NSD3: variants seen among roughly 807,000 people sequenced by gnomAD.
NSD3 encodes nuclear receptor binding SET domain protein 3.
A neutral mutation model predicts 160.8 loss-of-function variants in NSD3; 24 were observed. The observed-to-expected ratio is 0.15, with a 90% CI of 0.11 to 0.21. The LOEUF is 0.21. NSD3 is among the 10% of genes least tolerant of loss of function. NSD3 has a pLI of 1.00. For missense variants in NSD3, 1,157 were observed against 1,735.9 expected (o/e 0.67, Z 5.93); for synonymous variants, 520 against 600.0 (o/e 0.87, Z 1.95).
chr8:38,362,776 GT>G (rs1317059211), intron 1 of NSD3, among the ~76,000 whole-genome samples: 3 of 152,052 alleles, frequency 2.0e-5, no homozygotes, highest in Non-Finnish European at 4.4e-5. Context: ...TCTGTCTTTT[GT>G]ATCAGTATAC....
At chr8:38,365,440 A>G (rs1046516770) in intron 1 of NSD3, among the ~76,000 whole-genome samples, 1 of 152,212 alleles carries the variant, frequency 6.6e-6, no homozygotes, top group Non-Finnish European at 1.5e-5. Flanking sequence ...ATATGCTACT[A>G]TAAAACAGGG....
intron 14 of NSD3, among the ~76,000 whole-genome samples, chr8:38,301,490 G>A (rs991580018): frequency 2.6e-5 from 4 of 152,182 alleles, no homozygotes; most frequent in African/African-American, 7.2e-5. Context: ...TGAGGCAGGA[G>A]AATCGCTTGA....
intron 5 of NSD3, 82 bp downstream of exon 5, chr8:38,331,349 G>C: frequency 7.3e-7 from 1 of 1,377,806 alleles, no homozygotes; most frequent in East Asian, 2.6e-5. Flanking sequence ...ATAATTATCT[G>C]AATTCAAGTA....
At chr8:38,314,860 C>A (rs561734601) in intron 11 of NSD3, 87 bp from the exon 12 acceptor site, 129 of 1,415,508 alleles carry the variant, frequency 9.1e-5, no homozygotes, top group Non-Finnish European at 1.2e-4. Flanking sequence ...ATTACCGGGT[C>A]CCTCACCCAC....
rs960417862 is a variant in NSD3 at position 38,340,574 on chromosome 8, G to GT, written c.676-1968dup. On this transcript the variant is annotated intron_variant, in intron 2 of 23. Coordinates refer to ENST00000317025, the MANE Select transcript of NSD3 (RefSeq NM_023034.2). Reference sequence around the variant, plus strand: ...GCTGGTCTTGAACTCTTAACCTCAGGTGATCCACTTGCCTTGGCCTCCCAA... The same window carrying GT: ...GCTGGTCTTGAACTCTTAACCTCAGGTTGATCCACTTGCCTTGGCCTCCCAA... 6.6e-5 allele frequency among the ~76,000 whole-genome samples: 10 copies of GT among 152,160 alleles called. No individual in the cohort carries two copies. The East Asian group carries it at 1.7e-3, about 26-fold the overall frequency.
intron 19 of NSD3, among the ~76,000 whole-genome samples, chr8:38,284,008 C>T (rs1344606473): frequency 6.6e-6 from 1 of 152,138 alleles, no homozygotes; most frequent in African/African-American, 2.4e-5. Flanking sequence ...GATGCTGAGG[C>T]AGGAGGATCA....
chr8:38,270,150 GCTT>G lies in NSD3; in HGVS notation c.*5488_*5490del, dbSNP rs1399846477. The G allele has an allele frequency of 6.6e-6, 1 of 152,150 alleles. No individual in the cohort carries two copies. Among genetic ancestry groups the G allele is most frequent in the Non-Finnish European group, 1.5e-5 (1 of 68,018 alleles). The allele number at this position is 152,150 out of a possible 1,614,324, so 9.4% of individuals were successfully genotyped here. ...TAACACTAATCCCTTAGTGTCAAGA[GCTT>G]CTAGCCAAGTCACAGAAACTCAAAA... On this transcript the variant is annotated 3_prime_UTR_variant, in exon 24 of 24. Transcript: ENST00000317025.
chr8:38,316,958 AACCAAGGAG>A lies in NSD3; in HGVS notation c.1856-925_1856-917del. ...AGATCAGGCACGGTGAATACCAAGGAACCAAGGAGACGGTTAATATTTCAACCCACAGTT... is the reference window on the plus strand; with the variant it reads ...AGATCAGGCACGGTGAATACCAAGGAACGGTTAATATTTCAACCCACAGTT... On this transcript the variant is annotated intron_variant, in intron 9 of 23. Coordinates refer to ENST00000317025, the MANE Select transcript of NSD3 (RefSeq NM_023034.2). The surrounding 1 kb of genome is among the most constrained non-coding windows in gnomAD (Gnocchi z 4.5). 1 of 1,061,194 alleles carries A rather than the reference AACCAAGGAG, an allele frequency of 9.4e-7. No homozygotes were observed. The highest frequency in any genetic ancestry group is 1.1e-6 in the Non-Finnish European group (1 of 876,538). 65.7% of individuals were successfully genotyped at this position (1,061,194 alleles called of 1,614,324 possible). A position where few individuals can be genotyped will look rare whatever the true frequency, so the allele number is the denominator to read the frequency against.
At chr8:38,275,908 A>G (rs1196075589) in intron 23 of NSD3, 26 bp from the exon 24 acceptor site, 1 of 1,602,076 alleles carries the variant, frequency 6.2e-7, no homozygotes, top group Admixed American at 1.7e-5. Flanking sequence ...GGGGAGGAAG[A>G]AGGAGAAGTG....
intron 1 of NSD3, among the ~76,000 whole-genome samples, chr8:38,374,434 A>T (rs566946340): frequency 6.6e-6 from 1 of 152,282 alleles, no homozygotes; most frequent in East Asian, 1.9e-4. Flanking sequence ...AAGAAAAATC[A>T]GGACACACAC....
chr8:38,379,705 G>A (rs1301341737), intron 1 of NSD3, among the ~76,000 whole-genome samples: 1 of 152,120 alleles, frequency 6.6e-6, no homozygotes, highest in East Asian at 1.9e-4. Context: ...CATTTAGGTA[G>A]GTTAAATGTA....
At chr8:38,341,773 G>A (rs1382268153) in intron 2 of NSD3, among the ~76,000 whole-genome samples, 1 of 151,626 alleles carries the variant, frequency 6.6e-6, no homozygotes, top group Admixed American at 6.6e-5. Flanking sequence ...GCAACATGGC[G>A]AGACCCCATC....
intron 1 of NSD3, among the ~76,000 whole-genome samples, chr8:38,366,451 C>T (rs1345299370): frequency 2.2e-5 from 3 of 137,118 alleles, no homozygotes; most frequent in South Asian, 2.2e-4. Context: ...GAGTCTCTGT[C>T]GTCGCCAGGC....
chr8:38,358,494 ATGCTGGTTCT>A (rs1314259461), intron 1 of NSD3, among the ~76,000 whole-genome samples: 2 of 152,178 alleles, frequency 1.3e-5, no homozygotes, highest in Non-Finnish European at 2.9e-5. Flanking sequence ...TGAACCAGCT[ATGCTGGTTCT>A]TGAAAACCTA....
intron 4 of NSD3, among the ~76,000 whole-genome samples, chr8:38,332,879 A>G (rs1810100797): frequency 6.6e-6 from 1 of 152,204 alleles, no homozygotes; most frequent in African/African-American, 2.4e-5. Context: ...GTATTAGATC[A>G]ATGGAGAAAT....
intron 16 of NSD3, 114 bp from the exon 17 acceptor site, chr8:38,290,791 T>C: frequency 1.1e-6 from 1 of 933,954 alleles, no homozygotes; most frequent in Non-Finnish European, 1.6e-6. Context: ...TCATTCAGAT[T>C]CTAAGAACAT....
intron 4 of NSD3, among the ~76,000 whole-genome samples, chr8:38,331,951 A>G (rs2036849579): frequency 6.6e-6 from 1 of 152,276 alleles, no homozygotes; most frequent in Admixed American, 6.5e-5. Context: ...TGTTAGAGAC[A>G]TGGTCTCACT....
chr8:38,327,693 A>G (rs1345145457), intron 6 of NSD3, among the ~76,000 whole-genome samples: 2 of 152,172 alleles, frequency 1.3e-5, no homozygotes, highest in Non-Finnish European at 2.9e-5. Context: ...AGTCATTTGC[A>G]TTTGGTAAAG....
intron 1 of NSD3, among the ~76,000 whole-genome samples, chr8:38,350,752 T>C (rs754649506): frequency 6.6e-6 from 1 of 152,158 alleles, no homozygotes; most frequent in Admixed American, 6.6e-5. Context: ...GGTTAGATCA[T>C]TGCATTATAA....
Sources: gnomAD v4.1 joint callset for allele counts (sites outside exome capture counted in the v4.1 genomes callset) on GRCh38, gnomAD v4.1.1 for gene constraint, Gnocchi (gnomAD v3.1) non-coding constraint, MANE v1.5 for transcripts, NCBI Gene and HGNC (gene_info 2026-07-23, HGNC 2026-07-21) for gene names.